The following CREB1 variants were observed in gnomAD, a reference collection of about 807,000 sequenced individuals.
CREB1 encodes the protein cAMP responsive element binding protein 1.
In CREB1, 2 loss-of-function variants were observed where a neutral mutation model predicts 42.0. The ratio of observed to expected loss-of-function variants is 0.05; its 90% CI spans 0.02 to 0.15. The LOEUF is 0.15. Among genes scored for constraint, CREB1 ranks in the 10% least tolerant of loss-of-function variants. The probability of loss-of-function intolerance (pLI) is 1.00; values close to 1 mark genes in which losing one functional copy is unlikely to be tolerated. For synonymous variants in CREB1, 123 were observed against 139.9 expected (o/e 0.88, Z 0.85); for missense variants, 199 against 388.9 (o/e 0.51, Z 4.11).
intron 1 of CREB1, among the ~76,000 whole-genome samples, chr2:207,534,438 T>G (rs1204044765): frequency 6.6e-6 from 1 of 152,210 alleles, no homozygotes; most frequent in South Asian, 2.1e-4. Flanking sequence ...GGTTTCACCA[T>G]GTTGGTCAGG....
At chr2:207,558,545 A>G (rs1258256675) in intron 2 of CREB1, among the ~76,000 whole-genome samples, 1 of 151,742 alleles carries the variant, frequency 6.6e-6, no homozygotes, top group African/African-American at 2.4e-5. Flanking sequence ...TTTGGCCTTC[A>G]TCATCTTTCC....
intron 3 of CREB1, among the ~76,000 whole-genome samples, chr2:207,561,814 T>TTA (rs2106490222): frequency 6.6e-6 from 1 of 152,330 alleles, no homozygotes; most frequent in South Asian, 2.1e-4. Flanking sequence ...AAGCATTCTA[T>TTA]TAATGTCCTC....
At chr2:207,579,129 G>C (rs970832409) in intron 7 of CREB1, among the ~76,000 whole-genome samples, 4 of 151,930 alleles carry the variant, frequency 2.6e-5, no homozygotes, top group Non-Finnish European at 5.9e-5. Context: ...GTGATTTTGA[G>C]TATTTAAGTT....
intron 7 of CREB1, chr2:207,580,899 A>G (rs1226605703): frequency 2.8e-5 from 6 of 218,038 alleles, no homozygotes; most frequent in African/African-American, 4.5e-5. Context: ...TTTTGAAAGC[A>G]TTTGCTTGAT....
In CREB1 at chr2:207,601,436, A is replaced by T. The variant is rs1422080720; in HGVS notation, c.*4378A>T. ...GCCTTAAAAACAGCTGTAAAAGAAA[A>T]ACATCAGGAAATTAGATATGACTAG... On this transcript the variant is annotated 3_prime_UTR_variant, in exon 8 of 8. Coordinates refer to ENST00000353267, the MANE Select transcript of CREB1 (RefSeq NM_004379.5). 5.3e-6 allele frequency: 1 copy of T among 189,920 alleles called. No homozygotes were observed. Among genetic ancestry groups the T allele is most frequent in the Non-Finnish European group, 1.1e-5 (1 of 90,538 alleles). 11.8% of individuals were successfully genotyped at this position (189,920 alleles called of 1,614,324 possible). A position where few individuals can be genotyped will look rare whatever the true frequency, so the allele number is the denominator to read the frequency against.
At chr2:207,541,994 A>G (rs746189558) in intron 1 of CREB1, among the ~76,000 whole-genome samples, 4 of 152,182 alleles carry the variant, frequency 2.6e-5, no homozygotes, top group Non-Finnish European at 5.9e-5. Context: ...AATGTTTTCA[A>G]GGTTTATTCA....
At chr2:207,596,747 A>G (rs2086250947) in intron 7 of CREB1, among the ~76,000 whole-genome samples, 167 bp from the exon 8 acceptor site, 2 of 152,302 alleles carry the variant, frequency 1.3e-5, no homozygotes, top group South Asian at 4.1e-4. Context: ...TAAAATTTTA[A>G]TATAAGGTAA....
At position 207,559,484 on chromosome 2, in the gene CREB1, T is replaced by G. The variant is rs561628719; in HGVS notation, c.115-742T>G. 5.3e-5 allele frequency among the ~76,000 whole-genome samples: 8 copies of G among 152,338 alleles called. No individual in the cohort carries two copies. The South Asian group carries it at 1.7e-3, about 32-fold the overall frequency. ...CAGAGACCCCTATCTTTCTCACTTT[T>G]GTAGTTTCAGTTCTAACATTATTCC... On this transcript the variant is annotated intron_variant, in intron 2 of 7. Transcript: ENST00000353267.
intron 7 of CREB1, among the ~76,000 whole-genome samples, chr2:207,579,676 T>G (rs1009394701): frequency 6.6e-6 from 1 of 152,150 alleles, no homozygotes; most frequent in South Asian, 2.1e-4. Flanking sequence ...CCCTACTCTT[T>G]AAAAAGGAAA....
rs34172985 is a variant in CREB1, at chr2:207,533,086, C to CTT, written c.-9+2964_-9+2965dup. Among the ~76,000 whole-genome samples the CTT allele has an allele frequency of 2.7e-3, 390 of 145,696 alleles. 1 individual carries two copies. The highest frequency in any genetic ancestry group is 0.011 in the Middle Eastern group (3 of 282). On this transcript the variant is annotated intron_variant, in intron 1 of 7. Coordinates refer to ENST00000353267, the MANE Select transcript of CREB1 (RefSeq NM_004379.5). The stretch of plus-strand genomic sequence containing the variant: ...AAATTACAGCTGGATCTGCTTGAAT[C>CTT]TTTTTTTTTTTTTCATGAACACCTA...
intron 6 of CREB1, among the ~76,000 whole-genome samples, chr2:207,575,947 C>CCCCCT (rs1553503404): frequency 1.8e-5 from 1 of 56,592 alleles, no homozygotes; most frequent in Non-Finnish European, 4.4e-5. Flanking sequence ...CCCCCCCCCC[C>CCCCCT]CAAAAGAAAT....
At chr2:207,532,299 G>A (rs1291842307) in intron 1 of CREB1, among the ~76,000 whole-genome samples, 1 of 151,168 alleles carries the variant, frequency 6.6e-6, no homozygotes, top group Non-Finnish European at 1.5e-5. Context: ...TTCAGCCTGG[G>A]CGACACAGCA....
chr2:207,535,663 T>C (rs1193571942), intron 1 of CREB1, among the ~76,000 whole-genome samples: 1 of 152,090 alleles, frequency 6.6e-6, no homozygotes, highest in Non-Finnish European at 1.5e-5. Flanking sequence ...ATGATTTTTT[T>C]ACCCCCGTGG....
rs1251819192 is a variant in CREB1, at chr2:207,604,085, G to A, written c.*7027G>A. On this transcript the variant is annotated 3_prime_UTR_variant, in exon 8 of 8. Coordinates refer to ENST00000353267, the MANE Select transcript of CREB1 (RefSeq NM_004379.5). ...TGAGAGTGATATTAATTACATGAGG[G>A]ACAATAGGCATGAACTAGGATTGTT... Among the ~76,000 whole-genome samples, 1 of 152,124 alleles carries A rather than the reference G, an allele frequency of 6.6e-6. No individual in the cohort carries two copies. The highest frequency in any genetic ancestry group is 1.5e-5 in the Non-Finnish European group (1 of 68,006).
intron 1 of CREB1, among the ~76,000 whole-genome samples, chr2:207,539,656 G>T (rs1340208267): frequency 6.6e-6 from 1 of 152,186 alleles, no homozygotes; most frequent in Non-Finnish European, 1.5e-5. Context: ...ATGAAATAGT[G>T]TAAGAATGAT....
rs758383182 is a variant in CREB1 at position 207,558,000 on chromosome 2, C to T, written c.115-2226C>T. 9.9e-5 allele frequency among the ~76,000 whole-genome samples: 15 copies of T among 152,112 alleles called. 1 individual carries two copies. Among genetic ancestry groups the T allele is most frequent in the South Asian group, 4.1e-4 (2 of 4,830 alleles). On this transcript the variant is annotated intron_variant, in intron 2 of 7. Coordinates refer to ENST00000353267, the MANE Select transcript of CREB1 (RefSeq NM_004379.5). Reference sequence around the variant, plus strand: ...GTTATGGTTCTCAAACTTCAGTGTACGGGAAAGTATGATTGGGTTCCTGTT... The same window carrying T: ...GTTATGGTTCTCAAACTTCAGTGTATGGGAAAGTATGATTGGGTTCCTGTT...
chr2:207,564,597 C>A (rs956145400), intron 3 of CREB1, among the ~76,000 whole-genome samples: 8 of 152,068 alleles, frequency 5.3e-5, no homozygotes, highest in African/African-American at 1.7e-4. Context: ...TTCCAAAGGA[C>A]CATATATAGG....
chr2:207,547,581 A>G (rs1200023883), intron 1 of CREB1, among the ~76,000 whole-genome samples: 1 of 152,190 alleles, frequency 6.6e-6, no homozygotes, highest in Non-Finnish European at 1.5e-5. Context: ...AAGTGTTCAA[A>G]GTGTAAAAAG....
At chr2:207,556,139 TAACTA>T (rs2081710806) in intron 2 of CREB1, among the ~76,000 whole-genome samples, 2 of 152,296 alleles carry the variant, frequency 1.3e-5, no homozygotes, top group Middle Eastern at 3.4e-3. Context: ...TAAGTTTATA[TAACTA>T]AACTAAAAAT....
Sources: allele counts gnomAD v4.1 joint callset (sites outside exome capture counted in the v4.1 genomes callset), GRCh38; gene constraint gnomAD v4.1.1; transcripts MANE v1.5; gene names NCBI Gene and HGNC (gene_info 2026-07-23, HGNC 2026-07-21).